The following CYP2C18 variants were observed in gnomAD, a reference collection of about 807,000 sequenced individuals.
CYP2C18 encodes the protein cytochrome P450 2C18.
CYP2C18 carries 38 observed loss-of-function variants against 41.3 expected under a neutral mutation model. The ratio of observed to expected loss-of-function variants is 0.92; its 90% CI spans 0.71 to 1.21. The LOEUF (loss-of-function observed/expected upper bound fraction) is 1.21, where lower values mean the gene tolerates loss of function less well. Ranked by LOEUF, CYP2C18 falls within the 50% of genes most tolerant of loss-of-function variation. The pLI, the probability that CYP2C18 is intolerant of heterozygous loss-of-function variation, is 0.00. For synonymous variants in CYP2C18, 236 were observed against 210.0 expected (o/e 1.12, Z -1.07); for missense variants, 635 against 591.4 (o/e 1.07, Z -0.77).
chr10:94,702,841 G>A (rs1847269907), intron 4 of CYP2C18, among the ~76,000 whole-genome samples: 1 of 152,128 alleles, frequency 6.6e-6, no homozygotes, highest in East Asian at 1.9e-4. Context: ...TAGTCTTTTT[G>A]TGCTGGTTTT....
chr10:94,696,343 C>T (rs867725766), intron 4 of CYP2C18, among the ~76,000 whole-genome samples: 1 of 152,202 alleles, frequency 6.6e-6, no homozygotes, highest in African/African-American at 2.4e-5. Context: ...TATTCTGCAA[C>T]CTCTGCTGCT....
chr10:94,725,278 T>A (rs1847720555), intron 7 of CYP2C18, among the ~76,000 whole-genome samples: 1 of 151,772 alleles, frequency 6.6e-6, no homozygotes, highest in African/African-American at 2.4e-5. Flanking sequence ...CTTTTCCATT[T>A]CTTTGTTTCT....
At chr10:94,716,451 T>C (rs998181128) in intron 5 of CYP2C18, among the ~76,000 whole-genome samples, 11 of 152,232 alleles carry the variant, frequency 7.2e-5, no homozygotes, top group Non-Finnish European at 1.3e-4. Flanking sequence ...CCAGTAGTCA[T>C]TCAGGAGCAG....
chr10:94,688,893 T>C (rs935784305), intron 3 of CYP2C18, among the ~76,000 whole-genome samples: 4 of 152,190 alleles, frequency 2.6e-5, no homozygotes, highest in African/African-American at 9.6e-5. Flanking sequence ...GGGAATGACT[T>C]CTTTACATCT....
chr10:94,707,837 A>C (rs1272213250), intron 5 of CYP2C18, among the ~76,000 whole-genome samples: 1 of 152,216 alleles, frequency 6.6e-6, no homozygotes, highest in Non-Finnish European at 1.5e-5. Flanking sequence ...GGGAAATTTC[A>C]GTAATGAGAG....
At chr10:94,699,020 A>G (rs781434037) in intron 4 of CYP2C18, among the ~76,000 whole-genome samples, 3 of 152,226 alleles carry the variant, frequency 2.0e-5, no homozygotes, top group Non-Finnish European at 4.4e-5. Context: ...TCAGGACCAG[A>G]TGGACTCACA....
chr10:94,686,357 C>G (rs1018655385), intron 1 of CYP2C18, among the ~76,000 whole-genome samples: 4 of 152,122 alleles, frequency 2.6e-5, no homozygotes, highest in Non-Finnish European at 4.4e-5. Context: ...TTCATCCTTT[C>G]CTACATGAAT....
chr10:94,712,763 T>A (rs964745881), intron 5 of CYP2C18, among the ~76,000 whole-genome samples: 13 of 152,204 alleles, frequency 8.5e-5, no homozygotes, highest in African/African-American at 3.1e-4. Flanking sequence ...GAGGAACCTT[T>A]TACTGTTTTC....
intron 5 of CYP2C18, 57 bp downstream of exon 5, chr10:94,707,017 T>C: frequency 2.7e-6 from 4 of 1,489,378 alleles, no homozygotes; most frequent in Non-Finnish European, 3.7e-6. Context: ...TCTATAACGA[T>C]TGCTTAAATA....
intron 3 of CYP2C18, among the ~76,000 whole-genome samples, chr10:94,691,445 A>G (rs1284963677): frequency 6.6e-6 from 1 of 152,184 alleles, no homozygotes; most frequent in Non-Finnish European, 1.5e-5. Flanking sequence ...AGAATAAAAT[A>G]CCTAGGAATC....
chr10:94,711,556 C>T (rs1395963191), intron 5 of CYP2C18, among the ~76,000 whole-genome samples: 1 of 151,744 alleles, frequency 6.6e-6, no homozygotes, highest in Non-Finnish European at 1.5e-5. Context: ...TGCAGGTGCA[C>T]ATCACCATGC....
At chr10:94,713,007 G>C (rs1847466603) in intron 5 of CYP2C18, among the ~76,000 whole-genome samples, 1 of 151,808 alleles carries the variant, frequency 6.6e-6, no homozygotes, top group Non-Finnish European at 1.5e-5. Context: ...ATTCATTCAG[G>C]CTATTTGCCC....
At chr10:94,693,104 G>A (rs1483789829) in intron 3 of CYP2C18, among the ~76,000 whole-genome samples, 1 of 152,190 alleles carries the variant, frequency 6.6e-6, no homozygotes, top group South Asian at 2.1e-4. Flanking sequence ...CATGGCACAC[G>A]TATACATATG....
rs1332623917 is a variant in CYP2C18, at chr10:94,695,078, G to T, written c.642+1G>T. On this transcript the variant is annotated splice_donor_variant, in intron 4 of 8. Transcript: ENST00000285979. LOFTEE classifies it high-confidence loss of function. ...GATTCTGAGCTCTCCATGGATCCAG[G>T]TGAGATCAAGAGCTTCTCTTCCTGA... 7 of 1,603,686 alleles carry T rather than the reference G, an allele frequency of 4.4e-6. No homozygotes were observed. The highest frequency in any genetic ancestry group is 5.1e-6 in the Non-Finnish European group (6 of 1,177,606).
At chr10:94,722,676 C>A (rs1188282115) in intron 6 of CYP2C18, among the ~76,000 whole-genome samples, 1 of 152,094 alleles carries the variant, frequency 6.6e-6, no homozygotes, top group African/African-American at 2.4e-5. Context: ...AGTTTCCCTC[C>A]ACAACTCCAT....
At chr10:94,685,372 G>A (rs1475960593) in intron 1 of CYP2C18, among the ~76,000 whole-genome samples, 2 of 152,016 alleles carry the variant, frequency 1.3e-5, no homozygotes. Context: ...ATTTGTTATT[G>A]AGTAATTTGA....
chr10:94,701,101 C>T (rs1241036577), intron 4 of CYP2C18, among the ~76,000 whole-genome samples: 1 of 152,184 alleles, frequency 6.6e-6, no homozygotes, highest in Non-Finnish European at 1.5e-5. Flanking sequence ...CCATTTGACC[C>T]AGCCTTCCCA....
chr10:94,718,758 T>A (rs1176722922), intron 5 of CYP2C18, among the ~76,000 whole-genome samples: 2 of 152,126 alleles, frequency 1.3e-5, no homozygotes, highest in East Asian at 3.9e-4. Context: ...AATATAATAC[T>A]GGTACTTTTT....
intron 6 of CYP2C18, among the ~76,000 whole-genome samples, chr10:94,723,122 C>A (rs1449042819): frequency 6.6e-6 from 1 of 152,142 alleles, no homozygotes; most frequent in African/African-American, 2.4e-5. Context: ...CAGCTGTCAT[C>A]TTGTGTATTT....
Sources: allele counts gnomAD v4.1 joint callset (sites outside exome capture counted in the v4.1 genomes callset), GRCh38; gene constraint gnomAD v4.1.1; transcripts MANE v1.5; gene names NCBI Gene and HGNC (gene_info 2026-07-23, HGNC 2026-07-21).